The following RBFOX1 variants were observed in gnomAD, a reference collection of about 807,000 sequenced individuals.
RBFOX1 encodes RNA binding protein fox-1 homolog 1.
RBFOX1 carries 8 observed loss-of-function variants against 57.7 expected under a neutral mutation model. The ratio of observed to expected loss-of-function variants is 0.14; its 90% CI spans 0.08 to 0.25. The LOEUF is 0.25. Among genes scored for constraint, RBFOX1 ranks in the 10% least tolerant of loss-of-function variants. The probability of loss-of-function intolerance (pLI) is 1.00; values close to 1 mark genes in which losing one functional copy is unlikely to be tolerated. For synonymous variants in RBFOX1, 326 were observed against 222.4 expected (o/e 1.47, Z -4.15); for missense variants, 611 against 548.5 (o/e 1.11, Z -1.14).
intron 4 of RBFOX1, among the ~76,000 whole-genome samples, chr16:7,249,174 C>T (rs1443986177): frequency 2.6e-5 from 4 of 152,312 alleles, no homozygotes; most frequent in Middle Eastern, 6.8e-3. Context: ...GGTATCACCA[C>T]CAACCTTCAG....
chr16:6,050,745 A>G (rs928841435), intron 1 of RBFOX1, among the ~76,000 whole-genome samples: 5 of 151,978 alleles, frequency 3.3e-5, no homozygotes, highest in Non-Finnish European at 5.9e-5. Flanking sequence ...GTCAGGGGGT[A>G]TAGTTTATAC....
intron 4 of RBFOX1, among the ~76,000 whole-genome samples, chr16:7,189,343 G>C (rs1027068962): frequency 6.8e-6 from 1 of 147,946 alleles, no homozygotes; most frequent in Non-Finnish European, 1.5e-5. Context: ...GGAGAATGGT[G>C]TGAACCCGGG....
intron 3 of RBFOX1, among the ~76,000 whole-genome samples, chr16:6,838,772 ATACAAATG>A (rs2141347176): frequency 6.6e-6 from 1 of 152,310 alleles, no homozygotes; most frequent in South Asian, 2.1e-4. Context: ...AATTAGTGTC[ATACAAATG>A]TACATGCCTC....
intron 1 of RBFOX1, among the ~76,000 whole-genome samples, chr16:5,279,280 T>C (rs1264507764): frequency 6.6e-6 from 1 of 152,124 alleles, no homozygotes; most frequent in Non-Finnish European, 1.5e-5. Flanking sequence ...GTGGTTTTCA[T>C]TGTCGAGGTT....
At chr16:6,178,081 C>T (rs551875173) in intron 1 of RBFOX1, among the ~76,000 whole-genome samples, 2 of 151,774 alleles carry the variant, frequency 1.3e-5, no homozygotes, top group Non-Finnish European at 2.9e-5. Context: ...TGATTGCTTC[C>T]TAACCAACAG....
At chr16:5,623,713 T>C (rs1214231642) in intron 3 of RBFOX1, among the ~76,000 whole-genome samples, 1 of 152,150 alleles carries the variant, frequency 6.6e-6, no homozygotes. Flanking sequence ...TCATTTGTTT[T>C]CTTTGTCCTT....
intron 3 of RBFOX1, among the ~76,000 whole-genome samples, chr16:6,760,898 A>G (rs1444865172): frequency 6.6e-6 from 1 of 152,134 alleles, no homozygotes; most frequent in Non-Finnish European, 1.5e-5. Flanking sequence ...TCTAATGGAT[A>G]GATCTTCCTA....
intron 3 of RBFOX1, among the ~76,000 whole-genome samples, chr16:6,889,961 C>T (rs1012388549): frequency 1.3e-5 from 2 of 152,180 alleles, no homozygotes; most frequent in Admixed American, 1.3e-4. Flanking sequence ...CCTGTGATAA[C>T]TAGAATTCCA....
intron 1 of RBFOX1, among the ~76,000 whole-genome samples, chr16:5,319,608 T>G (rs1456961031): frequency 6.6e-6 from 1 of 152,178 alleles, no homozygotes; most frequent in African/African-American, 2.4e-5. Context: ...CTTGGATGGG[T>G]TCCCAGCCTG....
At chr16:7,209,046 G>C (rs922428852) in intron 4 of RBFOX1, among the ~76,000 whole-genome samples, 14 of 151,962 alleles carry the variant, frequency 9.2e-5, no homozygotes, top group African/African-American at 3.4e-4. Context: ...CATAATCCCA[G>C]CACTTTGGGA....
chr16:7,049,285 A>T (rs1255037505), intron 3 of RBFOX1, among the ~76,000 whole-genome samples: 2 of 152,144 alleles, frequency 1.3e-5, no homozygotes, highest in Non-Finnish European at 2.9e-5. Flanking sequence ...GAGAGGAAAT[A>T]AAGAAAAGCA....
intron 4 of RBFOX1, among the ~76,000 whole-genome samples, chr16:7,056,210 T>A (rs1332545382): frequency 6.6e-6 from 1 of 152,114 alleles, no homozygotes; most frequent in East Asian, 1.9e-4. Flanking sequence ...AGCCAGTTAC[T>A]CCCAACAGTA....
intron 14 of RBFOX1, among the ~76,000 whole-genome samples, chr16:7,699,191 G>A (rs1352776740): frequency 6.6e-6 from 1 of 152,068 alleles, no homozygotes; most frequent in African/African-American, 2.4e-5. Flanking sequence ...GATCAATCAG[G>A]GACCTTTTCT....
At position 5,700,934 on chromosome 16, in the gene RBFOX1, A is replaced by G. The variant is rs1001048466; in HGVS notation, c.318+101973A>G. ...CACCCATAGTGTCTGAGAGTAAGAA[A>G]AGGATGGTTCTTGAAAGGTTAAGAG... On this transcript the variant is annotated intron_variant, in intron 3 of 19. Transcript: ENST00000641259. Among the ~76,000 whole-genome samples, 12 of 152,314 alleles carry G rather than the reference A, an allele frequency of 7.9e-5. No individual in the cohort carries two copies. In the South Asian group the frequency reaches 8.3e-4, roughly 11 times the overall value.
chr16:6,018,602 T>C (rs2095015170), upstream of RBFOX1, among the ~76,000 whole-genome samples: 1 of 152,008 alleles, frequency 6.6e-6, no homozygotes. Flanking sequence ...CAGCCCTGCA[T>C]CCCATCCAGC....
chr16:7,267,151 C>A (rs868356907), intron 4 of RBFOX1, among the ~76,000 whole-genome samples: 1 of 152,168 alleles, frequency 6.6e-6, no homozygotes, highest in Non-Finnish European at 1.5e-5. Flanking sequence ...GTGGCTTATG[C>A]ACTTTGGGAG....
chr16:6,294,750 TA>T (rs2077881680), intron 1 of RBFOX1, among the ~76,000 whole-genome samples: 1 of 152,222 alleles, frequency 6.6e-6, no homozygotes, highest in Non-Finnish European at 1.5e-5. Flanking sequence ...ATCACTCTGT[TA>T]AAATGTATAA....
rs184074685 is a variant in RBFOX1 at position 6,085,995 on chromosome 16, C to G, written c.-127+66003C>G. Among the ~76,000 whole-genome samples, 336 of 152,132 alleles carry G rather than the reference C, an allele frequency of 2.2e-3. 3 individuals carry two copies. The highest frequency in any genetic ancestry group is 7.1e-3 in the African/African-American group (295 of 41,496). ...TCTCTTCCCCCAGCCCCCTACAGAC[C>G]CCACTGTGTGATGTTCCCCTCCCTG... On this transcript the variant is annotated intron_variant, in intron 1 of 15. Coordinates refer to ENST00000550418, the MANE Select transcript of RBFOX1 (RefSeq NM_018723.4).
intron 2 of RBFOX1, among the ~76,000 whole-genome samples, chr16:6,540,960 C>T (rs905177636): frequency 1.1e-4 from 16 of 152,126 alleles, no homozygotes; most frequent in African/African-American, 3.4e-4. Flanking sequence ...AAATTCCTGC[C>T]AGAACCCCCT....
Sources: allele counts gnomAD v4.1 joint callset (sites outside exome capture counted in the v4.1 genomes callset), GRCh38; gene constraint gnomAD v4.1.1; transcripts MANE v1.5; gene names NCBI Gene and HGNC (gene_info 2026-07-23, HGNC 2026-07-21).